The following CNKSR3 variants were observed in gnomAD, a reference collection of about 807,000 sequenced individuals.
CNKSR3 encodes CNKSR family member 3, also known as connector enhancer of kinase suppressor of ras 3.
In CNKSR3, 36 loss-of-function variants were observed where a neutral mutation model predicts 67.7. The observed-to-expected ratio is 0.53, with a 90% CI of 0.41 to 0.70. CNKSR3 has a LOEUF of 0.70. Ranked by LOEUF, CNKSR3 falls within the 30% of genes least tolerant of loss-of-function variation. The pLI, the probability that CNKSR3 is intolerant of heterozygous loss-of-function variation, is 0.00. For synonymous variants in CNKSR3, 281 were observed against 271.4 expected, an observed-to-expected ratio of 1.04 and a Z score of -0.35; for missense variants, 630 against 695.2, an observed-to-expected ratio of 0.91 and a Z score of 1.05.
chr6:154,402,872 T>G lies in CNKSR3; in HGVS notation c.*3482A>C, dbSNP rs552603477. 4 of 152,342 alleles carry G rather than the reference T, an allele frequency of 2.6e-5. No individual in the cohort carries two copies. In the South Asian group the frequency reaches 8.3e-4, roughly 32 times the overall value. The allele number at this position is 152,342 out of a possible 1,614,324, so 9.4% of individuals were successfully genotyped here. Reference sequence around the variant, plus strand: ...TTTATACACACACATACAAAGTATGTGCCCTGCTTAGTAGTTTAATTACAT... The same window carrying G: ...TTTATACACACACATACAAAGTATGGGCCCTGCTTAGTAGTTTAATTACAT... On this transcript the variant is annotated 3_prime_UTR_variant, in exon 13 of 13. Coordinates refer to ENST00000607772, the MANE Select transcript of CNKSR3 (RefSeq NM_173515.4).
chr6:154,498,127 C>T lies in CNKSR3; in HGVS notation c.52+11936G>A, dbSNP rs376701745. ...CATGAGTGTTTCTGGCTAAATAATA[C>T]CTGCATGGAATTACATGTTGCAATT... On this transcript the variant is annotated intron_variant, in intron 1 of 12. Coordinates refer to ENST00000607772, the MANE Select transcript of CNKSR3 (RefSeq NM_173515.4). Among the ~76,000 whole-genome samples, 3 of 152,224 alleles carry T rather than the reference C, an allele frequency of 2.0e-5. No homozygotes were observed. In the East Asian group the frequency reaches 5.8e-4, roughly 29 times the overall value.
rs1024308221 is a variant in CNKSR3, at chr6:154,388,420, A to C, written c.*17934T>G. 2 of 152,130 alleles carry C rather than the reference A, an allele frequency of 1.3e-5. No individual in the cohort carries two copies. Among genetic ancestry groups the C allele is most frequent in the Non-Finnish European group, 2.9e-5 (2 of 68,028 alleles). The allele number at this position is 152,130 out of a possible 1,614,324, so 9.4% of individuals were successfully genotyped here. On this transcript the variant is annotated 3_prime_UTR_variant, in exon 13 of 13. Transcript: ENST00000607772. Reference sequence around the variant, plus strand: ...TCTTTATTCATTTCTCCGCCGATGGACGCTTAGATTGTTTGTGTATCTTGG... The same window carrying C: ...TCTTTATTCATTTCTCCGCCGATGGCCGCTTAGATTGTTTGTGTATCTTGG...
chr6:154,444,768 G>C (rs538111764), intron 2 of CNKSR3, among the ~76,000 whole-genome samples: 12 of 152,152 alleles, frequency 7.9e-5, no homozygotes, highest in Admixed American at 7.9e-4. Flanking sequence ...ACCATGCTCA[G>C]TTAATTTTTG....
chr6:154,441,047 G>A (rs1366005328), intron 4 of CNKSR3, among the ~76,000 whole-genome samples: 3 of 151,702 alleles, frequency 2.0e-5, no homozygotes, highest in East Asian at 1.9e-4. Context: ...CTATTAGTTC[G>A]CCTATTTTAA....
intron 2 of CNKSR3, among the ~76,000 whole-genome samples, chr6:154,442,587 A>G (rs1391019349): frequency 6.6e-6 from 1 of 152,142 alleles, no homozygotes; most frequent in East Asian, 1.9e-4. Context: ...GCGCCACTGC[A>G]CTCCAGCCTG....
chr6:154,413,442 G>A (rs1299203117), intron 10 of CNKSR3, among the ~76,000 whole-genome samples: 1 of 151,976 alleles, frequency 6.6e-6, no homozygotes, highest in Non-Finnish European at 1.5e-5. Flanking sequence ...TATTCCCCAG[G>A]CTGGTCTTGA....
intron 3 of CNKSR3, among the ~76,000 whole-genome samples, chr6:154,441,733 A>G (rs993345842): frequency 1.4e-5 from 2 of 146,128 alleles, no homozygotes; most frequent in African/African-American, 5.3e-5. Flanking sequence ...AGAGAGAAGG[A>G]ATAGATTAAA....
intron 10 of CNKSR3, 129 bp from the exon 11 acceptor site, chr6:154,411,271 C>G: frequency 1.5e-6 from 1 of 682,238 alleles, no homozygotes; most frequent in Non-Finnish European, 2.4e-6. Flanking sequence ...GGAGGAAAAG[C>G]ATTCCTTTTG....
chr6:154,455,983 T>C (rs1785945109), intron 1 of CNKSR3, among the ~76,000 whole-genome samples: 1 of 151,054 alleles, frequency 6.6e-6, no homozygotes, highest in Non-Finnish European at 1.5e-5. Flanking sequence ...GAAGTTAGAG[T>C]AAATGCCCCA....
At chr6:154,420,471 C>T (rs796273893) in intron 9 of CNKSR3, among the ~76,000 whole-genome samples, 8 of 151,902 alleles carry the variant, frequency 5.3e-5, no homozygotes, top group African/African-American at 1.7e-4. Flanking sequence ...GGGCGGATCA[C>T]GAGGTCAGGA....
intron 1 of CNKSR3, among the ~76,000 whole-genome samples, chr6:154,484,288 T>C (rs1000691502): frequency 6.6e-6 from 1 of 152,152 alleles, no homozygotes; most frequent in Non-Finnish European, 1.5e-5. Flanking sequence ...CCTGCTCTTG[T>C]TATATAACCA....
At position 154,398,468 on chromosome 6, in the gene CNKSR3, T is replaced by C. The variant is rs1784683964; in HGVS notation, c.*7886A>G. ...AGCCTTGGCCTTGGGTGGGGAGGCA[T>C]CCAGTGACTGTCCTTTTCAGCTTCA... On this transcript the variant is annotated 3_prime_UTR_variant, in exon 13 of 13. Transcript: ENST00000607772. The C allele has an allele frequency of 6.6e-6, 1 of 152,232 alleles. No individual in the cohort carries two copies. Among genetic ancestry groups the C allele is most frequent in the African/African-American group, 2.4e-5 (1 of 41,464 alleles). The allele number at this position is 152,232 out of a possible 1,614,324, so 9.4% of individuals were successfully genotyped here.
chr6:154,428,796 T>C (rs1418270648), intron 6 of CNKSR3, among the ~76,000 whole-genome samples: 2 of 152,120 alleles, frequency 1.3e-5, no homozygotes, highest in Non-Finnish European at 2.9e-5. Context: ...GCTGGGATTA[T>C]AGGTGTAAGC....
intron 1 of CNKSR3, among the ~76,000 whole-genome samples, chr6:154,503,640 TA>T (rs11340696): frequency 0.39 from 56,151 of 143,594 alleles, 10,968 homozygotes; most frequent in African/African-American, 0.51. Flanking sequence ...GCCTCTTATT[TA>T]AAAAAAAAAA....
At chr6:154,464,961 G>T (rs1786163174) in intron 1 of CNKSR3, among the ~76,000 whole-genome samples, 1 of 151,318 alleles carries the variant, frequency 6.6e-6, no homozygotes, top group Admixed American at 6.6e-5. Flanking sequence ...CCAACATGGT[G>T]AAACCCCATC....
chr6:154,392,304 A>G lies in CNKSR3; in HGVS notation c.*14050T>C, dbSNP rs1382529382. ...TAAAATCCATCTCTTTGATATGAAT[A>G]GCTGTAATTTATTCATTTTTACTTG... On this transcript the variant is annotated 3_prime_UTR_variant, in exon 13 of 13. Transcript: ENST00000607772. The G allele has an allele frequency of 6.6e-6, 1 of 152,196 alleles. No homozygotes were observed. The highest frequency in any genetic ancestry group is 6.5e-5 in the Admixed American group (1 of 15,270). The allele number at this position is 152,196 out of a possible 1,614,324, so 9.4% of individuals were successfully genotyped here. A position where few individuals can be genotyped will look rare whatever the true frequency, so the allele number is the denominator to read the frequency against.
Position 154,469,104 on chromosome 6 carries a change from T to A in CNKSR3, c.53-18846A>T, listed in dbSNP as rs186843873. Among the ~76,000 whole-genome samples the A allele has an allele frequency of 2.1e-3, 320 of 152,338 alleles. 2 individuals carry two copies. The highest frequency in any genetic ancestry group is 7.5e-3 in the African/African-American group (310 of 41,568). ...ATTAAAGAGTACTTTATTATTGCTG[T>A]TAATGACATCTTGAGTCAATATTTA... On this transcript the variant is annotated intron_variant, in intron 1 of 12. Transcript: ENST00000607772.
chr6:154,440,691 T>C (rs761369324), intron 4 of CNKSR3, among the ~76,000 whole-genome samples: 22 of 152,208 alleles, frequency 1.4e-4, no homozygotes, highest in Non-Finnish European at 2.8e-4. Flanking sequence ...CTTTCTGCCT[T>C]GGGGAAAGGC....
At chr6:154,485,125 G>A (rs753491571) in intron 1 of CNKSR3, among the ~76,000 whole-genome samples, 1 of 152,130 alleles carries the variant, frequency 6.6e-6, no homozygotes, top group Non-Finnish European at 1.5e-5. Flanking sequence ...TTTGAAAACT[G>A]ACAGCATCTA....
Sources: allele counts gnomAD v4.1 joint callset (sites outside exome capture counted in the v4.1 genomes callset), GRCh38; gene constraint gnomAD v4.1.1; transcripts MANE v1.5; gene names NCBI Gene and HGNC (gene_info 2026-07-23, HGNC 2026-07-21).